MYH15: variants seen among roughly 807,000 people sequenced by gnomAD.
MYH15 encodes the protein myosin-15.
MYH15 carries 227 observed loss-of-function variants against 240.5 expected under a neutral mutation model. That is an observed-to-expected ratio of 0.94 (90% CI 0.85 to 1.05). The LOEUF (loss-of-function observed/expected upper bound fraction) is 1.05. Among genes scored for constraint, MYH15 ranks in the 50% least tolerant of loss-of-function variants. The pLI is 0.00. For synonymous variants in MYH15, 785 were observed against 796.7 expected (o/e 0.99, Z 0.25); for missense variants, 2,217 against 2,247.5 (o/e 0.99, Z 0.27).
upstream of MYH15, among the ~76,000 whole-genome samples, chr3:108,511,897 G>A (rs963479197): frequency 6.6e-6 from 1 of 152,138 alleles, no homozygotes; most frequent in African/African-American, 2.4e-5. Context: ...TAGTTTAAAG[G>A]AGTATGATTT....
At chr3:108,498,209 T>C in intron 5 of MYH15, 64 bp from the exon 6 acceptor site, 3 of 1,414,372 alleles carry the variant, frequency 2.1e-6, no homozygotes, top group Admixed American at 3.4e-5. Context: ...GAAAGTTAGG[T>C]AATTTTGATT....
chr3:108,416,683 C>G (rs1305756918), intron 29 of MYH15, 129 bp downstream of exon 29: 8 of 766,168 alleles, frequency 1.0e-5, no homozygotes, highest in South Asian at 3.7e-5. Context: ...CATGGTTTTT[C>G]CCCCATAACT....
At chr3:108,405,207 A>G in intron 33 of MYH15, 131 bp downstream of exon 33, 2 of 453,630 alleles carry the variant, frequency 4.4e-6, no homozygotes, top group Non-Finnish European at 8.1e-6. Flanking sequence ...AAAGAAAATA[A>G]TATAGAGTTA....
the MYH15 span, among the ~76,000 whole-genome samples, chr3:108,548,448 A>G: frequency 6.6e-6 from 1 of 152,144 alleles, no homozygotes; most frequent in Admixed American, 6.6e-5. Context: ...TTTTGTTACT[A>G]AAGTTTGAAT....
chr3:108,459,740 A>G (rs1302875562), intron 17 of MYH15, among the ~76,000 whole-genome samples: 1 of 152,192 alleles, frequency 6.6e-6, no homozygotes, highest in East Asian at 1.9e-4. Context: ...GGCTTGAAAA[A>G]AGAAATTGTT....
At chr3:108,381,611 GT>G in intron 40 of MYH15, 52 bp from the exon 41 acceptor site, 3 of 1,601,014 alleles carry the variant, frequency 1.9e-6, no homozygotes, top group Non-Finnish European at 2.6e-6. Context: ...ATTTTCACCA[GT>G]GGAACACATG....
intron 22 of MYH15, among the ~76,000 whole-genome samples, chr3:108,442,184 T>C (rs778442860): frequency 7.9e-5 from 12 of 152,182 alleles, no homozygotes; most frequent in Non-Finnish European, 1.5e-4. Context: ...AACATATTAA[T>C]GATCCATTTG....
intron 21 of MYH15, among the ~76,000 whole-genome samples, chr3:108,445,540 C>T (rs2082919896): frequency 6.6e-6 from 1 of 151,444 alleles, no homozygotes; most frequent in African/African-American, 2.4e-5. Context: ...TAATAAATAC[C>T]TTTTCAACCC....
chr3:108,420,794 CTG>C (rs1478419155), intron 28 of MYH15, among the ~76,000 whole-genome samples: 2 of 152,158 alleles, frequency 1.3e-5, no homozygotes, highest in Non-Finnish European at 2.9e-5. Context: ...GACTAGTAGA[CTG>C]TGGATTGCCC....
intron 1 of MYH15, among the ~76,000 whole-genome samples, chr3:108,516,463 C>T (rs2083573550): frequency 6.6e-6 from 1 of 152,160 alleles, no homozygotes; most frequent in Non-Finnish European, 1.5e-5. Flanking sequence ...AAACATATGT[C>T]TTAAGGCAGT....
At chr3:108,429,246 C>T (rs2107560690) in intron 26 of MYH15, among the ~76,000 whole-genome samples, 1 of 152,222 alleles carries the variant, frequency 6.6e-6, no homozygotes, top group African/African-American at 2.4e-5. Context: ...AAAAATCTTC[C>T]TCATTTGAAA....
chr3:108,459,696 T>C (rs1350758468), intron 17 of MYH15, among the ~76,000 whole-genome samples: 1 of 152,214 alleles, frequency 6.6e-6, no homozygotes, highest in Non-Finnish European at 1.5e-5. Flanking sequence ...TTGAATTTGA[T>C]AGCAATATCA....
chr3:108,545,141 T>C, the MYH15 span, among the ~76,000 whole-genome samples: 3 of 152,128 alleles, frequency 2.0e-5, no homozygotes, highest in Non-Finnish European at 4.4e-5. Flanking sequence ...CAAAAAGAGA[T>C]GTTAATTTAC....
chr3:108,518,614 GC>G (rs2083592405), intron 1 of MYH15, among the ~76,000 whole-genome samples: 1 of 152,102 alleles, frequency 6.6e-6, no homozygotes. Flanking sequence ...CATCTCTCTT[GC>G]TGTCTCATCC....
At chr3:108,482,755 A>G (rs1476455952) in intron 11 of MYH15, among the ~76,000 whole-genome samples, 2 of 152,106 alleles carry the variant, frequency 1.3e-5, no homozygotes, top group Non-Finnish European at 2.9e-5. Flanking sequence ...ACTCTGCTTT[A>G]CTTCCTTTTT....
At chr3:108,501,593 C>T (rs1056013100) in intron 3 of MYH15, 119 bp downstream of exon 3, 10 of 1,325,352 alleles carry the variant, frequency 7.5e-6, no homozygotes, top group Non-Finnish European at 1.1e-5. Flanking sequence ...GTAGACATTG[C>T]TCAAGGACTA....
rs2082618009 is a variant in MYH15 at position 108,414,377 on chromosome 3, G to A, written c.4000C>T (p.Leu1334Phe). ...ALQKAQRDCDLLREQYEEEQE... is the reference protein window; with the variant it reads ...ALQKAQRDCDFLREQYEEEQE... ...TCTTCCTCATACTGCTCTCGTAGAA[G>A]GTCACAGTCACGCTGAGCCTTCTGC... Residue 1334 changes from leucine (L) to phenylalanine (F), a missense_variant, in exon 30 of 41, where the codon CTT becomes TTT. By Grantham distance (22) the Leu-to-Phe change is conservative (BLOSUM62 0). Coordinates refer to ENST00000693548, the MANE Select transcript of MYH15 (RefSeq NM_014981.3). 1.2e-6 allele frequency: 2 copies of A among 1,614,030 alleles called. No homozygotes were observed. Among genetic ancestry groups the A allele is most frequent in the African/African-American group, 2.7e-5 (2 of 74,914 alleles).
chr3:108,412,878 A>ACCT (rs2107549480), intron 30 of MYH15, among the ~76,000 whole-genome samples: 1 of 152,266 alleles, frequency 6.6e-6, no homozygotes, highest in Admixed American at 6.5e-5. Context: ...GTAGCTGCCT[A>ACCT]CCTCCCTGAG....
rs2082340112 is a variant in MYH15 at position 108,381,213 on chromosome 3, ATGAG to A, written c.*328_*331del. On this transcript the variant is annotated 3_prime_UTR_variant, in exon 41 of 41. Coordinates refer to ENST00000693548, the MANE Select transcript of MYH15 (RefSeq NM_014981.3). Reference sequence around the variant, plus strand: ...CGTGACTGGTCTAAGGACATCTTCTATGAGTCCTACCCATTAAGAGGAAATATGG... The same window carrying A: ...CGTGACTGGTCTAAGGACATCTTCTATCCTACCCATTAAGAGGAAATATGG... 1 of 355,932 alleles carries A rather than the reference ATGAG, an allele frequency of 2.8e-6. No homozygotes were observed. Among genetic ancestry groups the A allele is most frequent in the Non-Finnish European group, 5.2e-6 (1 of 190,988 alleles). The allele number at this position is 355,932 out of a possible 1,614,324, so 22.0% of individuals were successfully genotyped here.
Sources: allele counts gnomAD v4.1 joint callset (sites outside exome capture counted in the v4.1 genomes callset), GRCh38; gene constraint gnomAD v4.1.1; transcripts MANE v1.5; gene names NCBI Gene and HGNC (gene_info 2026-07-23, HGNC 2026-07-21).